The following NFIA variants were observed in gnomAD, a reference collection of about 807,000 sequenced individuals.
NFIA encodes nuclear factor I A.
A neutral mutation model predicts 62.8 loss-of-function variants in NFIA; 8 were observed. That is an observed-to-expected ratio of 0.13 (90% CI 0.07 to 0.23). The LOEUF (loss-of-function observed/expected upper bound fraction) is 0.23. Ranked by LOEUF, NFIA falls within the 10% of genes least tolerant of loss-of-function variation. The pLI is 1.00. For missense variants in NFIA, 410 were observed against 642.1 expected (o/e 0.64, Z 3.91); for synonymous variants, 235 against 238.1 (o/e 0.99, Z 0.12).
intron 6 of NFIA, among the ~76,000 whole-genome samples, chr1:61,371,667 A>G (rs992640037): frequency 1.3e-5 from 2 of 152,184 alleles, no homozygotes; most frequent in African/African-American, 4.8e-5. Context: ...AATTCAGTAA[A>G]TAACTTTCAC....
At chr1:61,402,033 CTTTT>C (rs10636290) in intron 7 of NFIA, among the ~76,000 whole-genome samples, 1 of 94,562 alleles carries the variant, frequency 1.1e-5, no homozygotes, top group Non-Finnish European at 1.9e-5. Context: ...ACTCATTTTT[CTTTT>C]TTTTTTTTTT....
chr1:61,305,337 A>G lies in NFIA; in HGVS notation c.626-27175A>G, dbSNP rs558035044. Among the ~76,000 whole-genome samples, 14 of 152,266 alleles carry G rather than the reference A, an allele frequency of 9.2e-5. No homozygotes were observed. In the South Asian group the frequency reaches 2.9e-3, roughly 32 times the overall value. On this transcript the variant is annotated intron_variant, in intron 3 of 10. Transcript: ENST00000403491. ...GCAGGGCAGAGGTTAACCATAAGCA[A>G]CTCATTACCATGCCCCCCAAAGCAT...
chr1:61,412,227 GC>G (rs1164138124), intron 9 of NFIA, among the ~76,000 whole-genome samples: 1 of 152,146 alleles, frequency 6.6e-6, no homozygotes, highest in African/African-American at 2.4e-5. Flanking sequence ...AAAATCCCTT[GC>G]CCTGGTGGAG....
At chr1:61,174,866 T>TTTTTGGATGCAC (rs1650217582) in intron 2 of NFIA, among the ~76,000 whole-genome samples, 1 of 152,160 alleles carries the variant, frequency 6.6e-6, no homozygotes, top group South Asian at 2.1e-4. Context: ...AAAGCTAGCA[T>TTTTTGGATGCAC]TTTTGGATGC....
At chr1:61,246,641 T>C (rs1372816795) in intron 2 of NFIA, among the ~76,000 whole-genome samples, 3 of 152,182 alleles carry the variant, frequency 2.0e-5, no homozygotes, top group Non-Finnish European at 4.4e-5. Context: ...TTTGCGTTAT[T>C]GTCCATAATA....
chr1:61,392,729 C>T (rs573421932), intron 7 of NFIA, among the ~76,000 whole-genome samples: 1 of 152,340 alleles, frequency 6.6e-6, no homozygotes, highest in Non-Finnish European at 1.5e-5. Flanking sequence ...TATGTTGTCC[C>T]TGGGAGGACA....
At chr1:61,294,132 T>C (rs1393640587) in intron 3 of NFIA, among the ~76,000 whole-genome samples, 1 of 152,242 alleles carries the variant, frequency 6.6e-6, no homozygotes, top group Non-Finnish European at 1.5e-5. Flanking sequence ...TGCAGGTGTG[T>C]AAGCACAGTA....
chr1:61,205,602 A>G (rs1219800728), intron 2 of NFIA, among the ~76,000 whole-genome samples: 1 of 152,200 alleles, frequency 6.6e-6, no homozygotes, highest in East Asian at 1.9e-4. Flanking sequence ...AGTAGGATAT[A>G]AATAACTTCC....
chr1:61,452,623 A>G (rs1668106627), intron 10 of NFIA, among the ~76,000 whole-genome samples: 1 of 152,212 alleles, frequency 6.6e-6, no homozygotes, highest in Admixed American at 6.5e-5. Context: ...GTCAGAGCAC[A>G]ATAGCCTTCT....
At chr1:61,363,602 C>A (rs913510752) in intron 6 of NFIA, among the ~76,000 whole-genome samples, 30 of 141,786 alleles carry the variant, frequency 2.1e-4, no homozygotes, top group South Asian at 4.5e-4. Context: ...AAAACTCCGT[C>A]AAAAAAAAAA....
chr1:61,143,236 T>C (rs561711229), intron 2 of NFIA, among the ~76,000 whole-genome samples: 1 of 152,252 alleles, frequency 6.6e-6, no homozygotes, highest in Admixed American at 6.5e-5. Context: ...TAAATATTTG[T>C]TGAATATTAT....
chr1:61,277,702 C>A, intron 3 of NFIA, 117 bp downstream of exon 3: 2 of 958,142 alleles, frequency 2.1e-6, no homozygotes, highest in South Asian at 1.5e-5. Context: ...GGAACAACTC[C>A]AAAGACTCGG....
chr1:61,229,916 G>A (rs889203065), intron 2 of NFIA, among the ~76,000 whole-genome samples: 2 of 152,028 alleles, frequency 1.3e-5, no homozygotes, highest in Admixed American at 1.3e-4. Context: ...GTGAAATATT[G>A]GAATCATCTC....
intron 7 of NFIA, among the ~76,000 whole-genome samples, chr1:61,403,327 A>G (rs17122161): frequency 0.089 from 13,472 of 152,194 alleles, 1,714 homozygotes; most frequent in African/African-American, 0.28. Flanking sequence ...GGCACCTCAC[A>G]TAAGTTTTTT....
chr1:61,135,551 T>G (rs1647168129), intron 2 of NFIA, among the ~76,000 whole-genome samples: 2 of 152,186 alleles, frequency 1.3e-5, no homozygotes, highest in Non-Finnish European at 2.9e-5. Flanking sequence ...ACTACTGGCA[T>G]GTGCCATCAC....
chr1:61,188,574 G>A (rs1651374612), intron 2 of NFIA, among the ~76,000 whole-genome samples: 1 of 152,102 alleles, frequency 6.6e-6, no homozygotes, highest in Non-Finnish European at 1.5e-5. Flanking sequence ...TTTGATTTTA[G>A]GCAAATTATT....
chr1:61,442,859 C>T (rs2100576974), intron 10 of NFIA, among the ~76,000 whole-genome samples: 1 of 152,332 alleles, frequency 6.6e-6, no homozygotes, highest in East Asian at 1.9e-4. Context: ...TCCACCCAAT[C>T]ACTGTAACTA....
At chr1:61,151,482 T>G (rs1648408051) in intron 2 of NFIA, among the ~76,000 whole-genome samples, 1 of 152,044 alleles carries the variant, frequency 6.6e-6, no homozygotes, top group Non-Finnish European at 1.5e-5. Context: ...GATTGATTTC[T>G]TTCTTTCAAG....
In NFIA at chr1:61,082,784, C is replaced by T. The variant is rs369745275; in HGVS notation, c.-8C>T. ...AGACGCACACGCATACCCCAGCGCC[C>T]GGCAGTTATGTATTCTCCGCTCTGT... is the stretch of plus-strand genomic sequence containing the variant. On this transcript the variant is annotated 5_prime_UTR_variant, in exon 1 of 11. Transcript: ENST00000403491. 2 of 1,551,186 alleles carry T rather than the reference C, an allele frequency of 1.3e-6. No homozygotes were observed. Among genetic ancestry groups the T allele is most frequent in the South Asian group, 1.2e-5 (1 of 84,112 alleles).
Sources: allele counts gnomAD v4.1 joint callset (sites outside exome capture counted in the v4.1 genomes callset), GRCh38; gene constraint gnomAD v4.1.1; transcripts MANE v1.5; gene names NCBI Gene and HGNC (gene_info 2026-07-23, HGNC 2026-07-21).